SUGCT: variants seen among roughly 807,000 people sequenced by gnomAD.
SUGCT encodes succinyl-CoA:glutarate CoA-transferase.
A neutral mutation model predicts 55.0 loss-of-function variants in SUGCT; 41 were observed. The observed-to-expected ratio is 0.74, with a 90% CI of 0.58 to 0.97. The LOEUF (loss-of-function observed/expected upper bound fraction) is 0.97. Ranked by LOEUF, SUGCT falls within the 50% of genes least tolerant of loss-of-function variation. SUGCT has a pLI of 0.00. For missense variants in SUGCT, 568 were observed against 547.8 expected (o/e 1.04, Z -0.37); for synonymous variants, 187 against 200.4 (o/e 0.93, Z 0.56).
intron 9 of SUGCT, among the ~76,000 whole-genome samples, chr7:40,410,133 G>T (rs1786593392): frequency 6.6e-6 from 1 of 151,954 alleles, no homozygotes; most frequent in African/African-American, 2.4e-5. Flanking sequence ...GTATTACTAT[G>T]CTTGTATTAT....
chr7:40,236,211 C>T (rs1185361909), intron 6 of SUGCT, among the ~76,000 whole-genome samples: 1 of 151,982 alleles, frequency 6.6e-6, no homozygotes, highest in Non-Finnish European at 1.5e-5. Flanking sequence ...GCGCCTACCA[C>T]CACACCCAGC....
At chr7:40,932,817 T>A in the SUGCT span, among the ~76,000 whole-genome samples, 1 of 150,932 alleles carries the variant, frequency 6.6e-6, no homozygotes, top group African/African-American at 2.4e-5. Flanking sequence ...ATTTTGAGCC[T>A]ATGTGTGTCT....
intron 12 of SUGCT, among the ~76,000 whole-genome samples, chr7:40,740,831 A>G (rs1787422938): frequency 6.6e-6 from 1 of 152,198 alleles, no homozygotes; most frequent in Admixed American, 6.5e-5. Flanking sequence ...AGCGAAGAAC[A>G]AAAGGAAAAT....
At chr7:40,958,424 C>T in the SUGCT span, among the ~76,000 whole-genome samples, 1 of 151,600 alleles carries the variant, frequency 6.6e-6, no homozygotes, top group Non-Finnish European at 1.5e-5. Flanking sequence ...TTTTCAACCT[C>T]GATATCCTTT....
the SUGCT span, among the ~76,000 whole-genome samples, chr7:41,035,111 G>A: frequency 1.2e-4 from 19 of 152,190 alleles, no homozygotes; most frequent in Non-Finnish European, 2.5e-4. Flanking sequence ...GTCAGTAGAG[G>A]GGCAAAGTAC....
At chr7:40,651,430 A>G (rs759036012) in intron 12 of SUGCT, among the ~76,000 whole-genome samples, 1 of 151,458 alleles carries the variant, frequency 6.6e-6, no homozygotes, top group Non-Finnish European at 1.5e-5. Flanking sequence ...CCACTTTTTA[A>G]TGGTTTTTTT....
intron 13 of SUGCT, among the ~76,000 whole-genome samples, chr7:40,820,089 G>A (rs1385317005): frequency 6.6e-6 from 1 of 152,126 alleles, no homozygotes; most frequent in African/African-American, 2.4e-5. Context: ...TATTATTTCT[G>A]AGGGCTCTGT....
At chr7:40,669,004 T>C (rs1208036789) in intron 12 of SUGCT, among the ~76,000 whole-genome samples, 2 of 152,082 alleles carry the variant, frequency 1.3e-5, no homozygotes, top group African/African-American at 4.8e-5. Flanking sequence ...TGAGACCACA[T>C]AGGGAGGCTG....
At chr7:41,002,776 C>T in the SUGCT span, among the ~76,000 whole-genome samples, 15 of 152,096 alleles carry the variant, frequency 9.9e-5, no homozygotes, top group Non-Finnish European at 1.5e-5. Context: ...CTTACAACTG[C>T]TTTATGATGT....
At chr7:41,003,638 TA>T in the SUGCT span, among the ~76,000 whole-genome samples, 1 of 152,164 alleles carries the variant, frequency 6.6e-6, no homozygotes, top group South Asian at 2.1e-4. Context: ...CCAGCACAGG[TA>T]ATGGAGACTT....
At chr7:40,453,170 G>C (rs962098147) in intron 10 of SUGCT, among the ~76,000 whole-genome samples, 1 of 152,134 alleles carries the variant, frequency 6.6e-6, no homozygotes, top group East Asian at 1.9e-4. Context: ...TTATGCCCCA[G>C]ACCCCAAGTA....
chr7:40,988,740 C>A, the SUGCT span, among the ~76,000 whole-genome samples: 6 of 152,062 alleles, frequency 3.9e-5, no homozygotes, highest in Admixed American at 1.3e-4. Context: ...TATTTTAGCA[C>A]CCTTATGTAC....
At chr7:40,767,533 G>C (rs1465697905) in intron 13 of SUGCT, among the ~76,000 whole-genome samples, 1 of 152,246 alleles carries the variant, frequency 6.6e-6, no homozygotes, top group South Asian at 2.1e-4. Context: ...ACTTGGAACT[G>C]GGCAGGCCAA....
chr7:40,299,867 A>C lies in SUGCT; in HGVS notation c.721-16893A>C, dbSNP rs1401335836. ...CACATGAAAATGTATTGCTATCAAC[A>C]GTGTTTTAATGTATGTTTAATATTG... is the stretch of plus-strand genomic sequence containing the variant. On this transcript the variant is annotated intron_variant, in intron 8 of 13. Coordinates refer to ENST00000335693, the MANE Select transcript of SUGCT (RefSeq NM_001193313.2). Among the ~76,000 whole-genome samples, 4 of 152,302 alleles carry C rather than the reference A, an allele frequency of 2.6e-5. No individual in the cohort carries two copies. The East Asian group carries it at 5.8e-4, about 22-fold the overall frequency.
chr7:40,447,086 A>G (rs1427143040), intron 9 of SUGCT, among the ~76,000 whole-genome samples: 8 of 152,214 alleles, frequency 5.3e-5, no homozygotes, highest in African/African-American at 1.7e-4. Context: ...GAAACCCAGT[A>G]TTCATTAACA....
intron 1 of SUGCT, among the ~76,000 whole-genome samples, chr7:40,164,274 C>T (rs567966412): frequency 6.6e-6 from 1 of 152,128 alleles, no homozygotes; most frequent in East Asian, 1.9e-4. Flanking sequence ...ACTACAGGCA[C>T]CTTCCACCAT....
intron 9 of SUGCT, among the ~76,000 whole-genome samples, chr7:40,388,861 G>A (rs1239789241): frequency 6.6e-6 from 1 of 151,942 alleles, no homozygotes; most frequent in Non-Finnish European, 1.5e-5. Context: ...TAGATATAAG[G>A]GATCTTGTTT....
intron 7 of SUGCT, among the ~76,000 whole-genome samples, chr7:40,269,291 A>G (rs1325816155): frequency 3.3e-5 from 5 of 151,578 alleles, no homozygotes; most frequent in African/African-American, 9.7e-5. Flanking sequence ...TTTAACTTCA[A>G]TTTTTACTTT....
At chr7:40,483,897 T>G (rs1032917821) in intron 11 of SUGCT, among the ~76,000 whole-genome samples, 2 of 152,262 alleles carry the variant, frequency 1.3e-5, no homozygotes, top group East Asian at 3.9e-4. Context: ...TACTTTAAAG[T>G]GCAATTGGGC....
Sources: allele counts gnomAD v4.1 joint callset (sites outside exome capture counted in the v4.1 genomes callset), GRCh38; gene constraint gnomAD v4.1.1; transcripts MANE v1.5; gene names NCBI Gene and HGNC (gene_info 2026-07-23, HGNC 2026-07-21).